IGF2BP3: variants seen among roughly 807,000 people sequenced by gnomAD.
The protein encoded by IGF2BP3 is insulin-like growth factor 2 mRNA-binding protein 3.
IGF2BP3 carries 9 observed loss-of-function variants against 73.8 expected under a neutral mutation model. That is an observed-to-expected ratio of 0.12 (90% confidence interval 0.07 to 0.21). The LOEUF is 0.21. Among genes scored for constraint, IGF2BP3 ranks in the 10% least tolerant of loss-of-function variants. IGF2BP3 has a pLI of 1.00. For missense variants in IGF2BP3, 542 were observed against 714.0 expected (o/e 0.76, Z 2.75); for synonymous variants, 258 against 256.7 (o/e 1.01, Z -0.05).
intron 3 of IGF2BP3, among the ~76,000 whole-genome samples, chr7:23,373,680 C>T (rs1785629329): frequency 6.6e-6 from 1 of 152,172 alleles, no homozygotes. Context: ...CCATATGATC[C>T]AGCAATTCCA....
intron 5 of IGF2BP3, among the ~76,000 whole-genome samples, chr7:23,355,816 C>G (rs1785081983): frequency 1.3e-5 from 2 of 151,944 alleles, no homozygotes; most frequent in Non-Finnish European, 2.9e-5. Context: ...GCCTATAATT[C>G]CAGCTACTTG....
chr7:23,452,716 C>T (rs1401260175), intron 2 of IGF2BP3, among the ~76,000 whole-genome samples: 1 of 150,842 alleles, frequency 6.6e-6, no homozygotes, highest in Non-Finnish European at 1.5e-5. Flanking sequence ...GCAGGAGAAT[C>T]GCTTGAACCC....
intron 2 of IGF2BP3, among the ~76,000 whole-genome samples, chr7:23,466,952 A>G (rs1462750394): frequency 1.3e-5 from 2 of 152,244 alleles, no homozygotes; most frequent in African/African-American, 2.4e-5. Flanking sequence ...ACCAAACATA[A>G]TAACAATTAG....
chr7:23,318,761 G>A (rs1055144952), intron 11 of IGF2BP3, among the ~76,000 whole-genome samples: 1 of 152,148 alleles, frequency 6.6e-6, no homozygotes, highest in African/African-American at 2.4e-5. Context: ...CTCCCTAGAA[G>A]AAAAGCTCTT....
intron 10 of IGF2BP3, among the ~76,000 whole-genome samples, chr7:23,325,732 T>G (rs887505609): frequency 6.6e-6 from 1 of 152,044 alleles, no homozygotes; most frequent in African/African-American, 2.4e-5. Flanking sequence ...GAGATATAGA[T>G]CAATGGAACA....
intron 11 of IGF2BP3, chr7:23,317,918 C>T (rs1383089950): frequency 5.2e-6 from 3 of 572,598 alleles, no homozygotes; most frequent in Admixed American, 5.7e-5. Flanking sequence ...CTGTGCCGGG[C>T]CCTAATGGAG....
At chr7:23,325,338 T>A (rs904378243) in intron 10 of IGF2BP3, among the ~76,000 whole-genome samples, 33 of 152,188 alleles carry the variant, frequency 2.2e-4, no homozygotes, top group Non-Finnish European at 2.9e-4. Context: ...TCAAAGAGAA[T>A]AAAATACCTA....
chr7:23,426,379 A>G (rs1303013946), intron 2 of IGF2BP3, among the ~76,000 whole-genome samples: 1 of 150,258 alleles, frequency 6.7e-6, no homozygotes, highest in Non-Finnish European at 1.5e-5. Flanking sequence ...GGTTGGGGGG[A>G]AAAAATTTAA....
At chr7:23,423,651 C>G (rs915709706) in intron 2 of IGF2BP3, among the ~76,000 whole-genome samples, 1 of 151,898 alleles carries the variant, frequency 6.6e-6, no homozygotes, top group Non-Finnish European at 1.5e-5. Context: ...AAATGTTACA[C>G]TATATGGTGG....
At chr7:23,468,259 T>C (rs987124065) in intron 2 of IGF2BP3, among the ~76,000 whole-genome samples, 1 of 152,042 alleles carries the variant, frequency 6.6e-6, no homozygotes, top group Non-Finnish European at 1.5e-5. Flanking sequence ...TTGTAACCAA[T>C]AACCATAATC....
At chr7:23,464,477 C>T (rs987200558) in intron 2 of IGF2BP3, among the ~76,000 whole-genome samples, 1 of 151,708 alleles carries the variant, frequency 6.6e-6, no homozygotes, top group Non-Finnish European at 1.5e-5. Flanking sequence ...AGGAAACAAA[C>T]AAAAAACAAC....
chr7:23,365,591 C>A (rs925543431), intron 3 of IGF2BP3: 1 of 152,152 alleles, frequency 6.6e-6, no homozygotes, highest in Non-Finnish European at 1.5e-5. Flanking sequence ...CTTTCATGCT[C>A]TTCCTTTCCA....
At chr7:23,459,406 C>T (rs1476412846) in intron 2 of IGF2BP3, among the ~76,000 whole-genome samples, 5 of 152,192 alleles carry the variant, frequency 3.3e-5, no homozygotes, top group Admixed American at 1.3e-4. Context: ...GGAAGGAATA[C>T]TTAATTTATG....
chr7:23,417,431 T>C (rs1787222871), intron 3 of IGF2BP3, among the ~76,000 whole-genome samples: 1 of 152,158 alleles, frequency 6.6e-6, no homozygotes, highest in South Asian at 2.1e-4. Context: ...AAAAGTTAGA[T>C]ACGGCAAATA....
chr7:23,318,379 T>G (rs757759501), intron 11 of IGF2BP3, among the ~76,000 whole-genome samples: 4 of 151,964 alleles, frequency 2.6e-5, no homozygotes, highest in Non-Finnish European at 5.9e-5. Context: ...TGTGCCACCA[T>G]GCCTGGCTAA....
intron 3 of IGF2BP3, among the ~76,000 whole-genome samples, chr7:23,371,154 A>AAC (rs60859365): frequency 0.033 from 4,860 of 148,824 alleles, 201 homozygotes; most frequent in East Asian, 0.15. Flanking sequence ...ACACCTTGCC[A>AAC]ACACACACAC....
intron 3 of IGF2BP3, chr7:23,416,161 T>A (rs927948913): frequency 2.0e-5 from 3 of 152,178 alleles, no homozygotes; most frequent in African/African-American, 7.2e-5. Context: ...GATCACACAA[T>A]GAGAAAGTAG....
At chr7:23,445,176 C>A (rs1255443135) in intron 2 of IGF2BP3, among the ~76,000 whole-genome samples, 1 of 152,156 alleles carries the variant, frequency 6.6e-6, no homozygotes, top group African/African-American at 2.4e-5. Context: ...TAAAGGAACA[C>A]AATAAACTGC....
At chr7:23,392,433 C>CAT (rs141882109) in intron 3 of IGF2BP3, among the ~76,000 whole-genome samples, 29,335 of 141,594 alleles carry the variant, frequency 0.21, 3,204 homozygotes, top group Middle Eastern at 0.28. Flanking sequence ...AGCTTATCAT[C>CAT]ATATATATAT....
Sources: gnomAD v4.1 joint callset for allele counts (sites outside exome capture counted in the v4.1 genomes callset) on GRCh38, gnomAD v4.1.1 for gene constraint, MANE v1.5 for transcripts, NCBI Gene and HGNC (gene_info 2026-07-23, HGNC 2026-07-21) for gene names.